TMEM248: variants seen among roughly 807,000 people sequenced by gnomAD.
The protein encoded by TMEM248 is transmembrane protein 248.
TMEM248 carries 9 observed loss-of-function variants against 30.3 expected under a neutral mutation model. That is an observed-to-expected ratio of 0.30 (90% CI 0.18 to 0.52). The LOEUF (loss-of-function observed/expected upper bound fraction) is 0.52. Ranked by LOEUF, TMEM248 falls within the 20% of genes least tolerant of loss-of-function variation. The pLI is 0.97. For missense variants in TMEM248, 338 were observed against 403.3 expected (o/e 0.84, Z 1.39); for synonymous variants, 184 against 154.4 (o/e 1.19, Z -1.42).
At chr7:66,939,552 ATGT>A (rs1174486870) in intron 1 of TMEM248, among the ~76,000 whole-genome samples, 2 of 152,190 alleles carry the variant, frequency 1.3e-5, no homozygotes, top group South Asian at 2.1e-4. Flanking sequence ...CTTTTTGCTA[ATGT>A]TGTCGCAGTT....
chr7:66,947,699 G>A (rs557241017), intron 3 of TMEM248, among the ~76,000 whole-genome samples: 143 of 151,122 alleles, frequency 9.5e-4, no homozygotes, highest in Non-Finnish European at 1.8e-3. Context: ...ACCACGCTTG[G>A]CTATTTTTTA....
At chr7:66,937,193 G>A (rs1791828765) in intron 1 of TMEM248, among the ~76,000 whole-genome samples, 1 of 152,152 alleles carries the variant, frequency 6.6e-6, no homozygotes, top group Admixed American at 6.5e-5. Flanking sequence ...CCAGGAGCAT[G>A]TTATTTAATT....
intron 1 of TMEM248, among the ~76,000 whole-genome samples, chr7:66,928,170 GTGCCAT>G (rs1331240049): frequency 2.6e-5 from 4 of 152,086 alleles, no homozygotes; most frequent in Admixed American, 2.6e-4. Flanking sequence ...AGCTGAGATT[GTGCCAT>G]TGCACTCCAG....
intron 1 of TMEM248, among the ~76,000 whole-genome samples, chr7:66,929,112 A>G (rs1033553138): frequency 1.3e-5 from 2 of 152,242 alleles, no homozygotes; most frequent in African/African-American, 2.4e-5. Context: ...ATGCAAACCT[A>G]TATCATTTAT....
At chr7:66,951,210 G>C in intron 5 of TMEM248, 75 bp downstream of exon 5, 1 of 1,391,552 alleles carries the variant, frequency 7.2e-7, no homozygotes, top group Non-Finnish European at 9.5e-7. Context: ...TGCAACCGTT[G>C]GTGTAGGCCC....
intron 3 of TMEM248, among the ~76,000 whole-genome samples, chr7:66,946,128 G>C (rs1792099191): frequency 6.6e-6 from 1 of 151,404 alleles, no homozygotes; most frequent in Admixed American, 6.6e-5. Flanking sequence ...CAGGCATGGT[G>C]GTGCGCACTT....
At chr7:66,937,181 A>G (rs1286465648) in intron 1 of TMEM248, among the ~76,000 whole-genome samples, 1 of 152,204 alleles carries the variant, frequency 6.6e-6, no homozygotes, top group East Asian at 1.9e-4. Flanking sequence ...CCCACTGGCC[A>G]TCCAGGAGCA....
rs1219828394 is a variant in TMEM248, at chr7:66,957,099, A to G, written c.*1577A>G. 1.3e-5 allele frequency: 2 copies of G among 152,604 alleles called. No homozygotes were observed. Among genetic ancestry groups the G allele is most frequent in the African/African-American group, 4.8e-5 (2 of 41,452 alleles). 9.5% of individuals were successfully genotyped at this position (152,604 alleles called of 1,614,324 possible). A position where few individuals can be genotyped will look rare whatever the true frequency, so the allele number is the denominator to read the frequency against. ...CTTGTATTCTTACTGTTTTTTTAAAATAACTTTTTGCCTTAATAGCTCATT... is the reference window on the plus strand; with the variant it reads ...CTTGTATTCTTACTGTTTTTTTAAAGTAACTTTTTGCCTTAATAGCTCATT... On this transcript the variant is annotated 3_prime_UTR_variant, in exon 7 of 7. Coordinates refer to ENST00000341567, the MANE Select transcript of TMEM248 (RefSeq NM_017994.5).
chr7:66,941,533 T>TGACA (rs1791953873), intron 1 of TMEM248, among the ~76,000 whole-genome samples: 1 of 149,712 alleles, frequency 6.7e-6, no homozygotes, highest in Non-Finnish European at 1.5e-5. Flanking sequence ...CTAGCCTGGG[T>TGACA]GACAGAACGA....
chr7:66,949,407 G>A (rs1171084632), intron 4 of TMEM248, among the ~76,000 whole-genome samples: 1 of 152,154 alleles, frequency 6.6e-6, no homozygotes, highest in Non-Finnish European at 1.5e-5. Flanking sequence ...GGCAGAGGTT[G>A]CAGTGAGCTG....
intron 1 of TMEM248, chr7:66,921,971 G>C (rs1327517984): frequency 6.6e-6 from 1 of 152,260 alleles, no homozygotes; most frequent in African/African-American, 2.4e-5. Context: ...ATAAAATGAG[G>C]AGTGATCGCA....
Position 66,953,211 on chromosome 7 carries a change from CTCT to C in TMEM248, c.781-10_781-8del, listed in dbSNP as rs750855990. 5.0e-6 allele frequency: 8 copies of C among 1,609,254 alleles called. No homozygotes were observed. The highest frequency in any genetic ancestry group is 2.7e-5 in the African/African-American group (2 of 74,418). ...AGAGCAGATGTTTCTGATTTTTTTT[CTCT>C]TCTTTATTTAGGATGACCGTTCATT... On this transcript the variant is annotated splice_polypyrimidine_tract_variant and intron_variant, in intron 5 of 6. Transcript: ENST00000341567.
intron 4 of TMEM248, among the ~76,000 whole-genome samples, chr7:66,949,121 A>G (rs1323624714): frequency 2.0e-5 from 3 of 150,732 alleles, no homozygotes; most frequent in Non-Finnish European, 4.4e-5. Context: ...GACAACATAT[A>G]GGGAGACCCT....
intron 5 of TMEM248, among the ~76,000 whole-genome samples, chr7:66,953,014 C>T (rs1792309012): frequency 6.6e-6 from 1 of 152,130 alleles, no homozygotes; most frequent in Non-Finnish European, 1.5e-5. Flanking sequence ...GCGTGGTGCT[C>T]TCCAACAGAG....
chr7:66,937,343 A>G (rs1160059030), intron 1 of TMEM248, among the ~76,000 whole-genome samples: 3 of 152,118 alleles, frequency 2.0e-5, no homozygotes, highest in African/African-American at 4.8e-5. Context: ...AACGTGGTCT[A>G]TTTTTGGGAA....
rs35126436 is a variant in TMEM248, at chr7:66,929,426, A to ATTTTTTTTTTTTTTTTTTTTTT, written c.-19+7972_-19+7993dup. On this transcript the variant is annotated intron_variant, in intron 1 of 6. Transcript: ENST00000341567. ...ACAATATCATGGAAATGAGAGACAA[A>ATTTTTTTTTTTTTTTTTTTTTT]TTTTTTTTTTTTTTTTTTTTTTTTT... Among the ~76,000 whole-genome samples, 40 of 97,674 alleles carry ATTTTTTTTTTTTTTTTTTTTTT rather than the reference A, an allele frequency of 4.1e-4. 2 individuals are homozygous for ATTTTTTTTTTTTTTTTTTTTTT. The highest frequency in any genetic ancestry group is 6.5e-4 in the Non-Finnish European group (32 of 49,214). 64.1% of individuals were successfully genotyped at this position (97,674 alleles called of 152,430 possible). A position where few individuals can be genotyped will look rare whatever the true frequency, so the allele number is the denominator to read the frequency against.
chr7:66,948,818 T>A, intron 4 of TMEM248, 124 bp downstream of exon 4: 1 of 1,006,466 alleles, frequency 9.9e-7, no homozygotes, highest in Non-Finnish European at 1.4e-6. Context: ...GAATTATCTC[T>A]ACTCGGACCT....
At chr7:66,950,096 C>T (rs1792221444) in intron 4 of TMEM248, among the ~76,000 whole-genome samples, 1 of 151,842 alleles carries the variant, frequency 6.6e-6, no homozygotes, top group Admixed American at 6.6e-5. Context: ...CGCAATGGCT[C>T]ACACCTGTAA....
intron 6 of TMEM248, among the ~76,000 whole-genome samples, chr7:66,954,376 T>G (rs1792352025): frequency 6.6e-6 from 1 of 151,384 alleles, no homozygotes; most frequent in Non-Finnish European, 1.5e-5. Flanking sequence ...GTATTTTTGC[T>G]TTTTTAATTT....
Sources: gnomAD v4.1 joint callset for allele counts (sites outside exome capture counted in the v4.1 genomes callset) on GRCh38, gnomAD v4.1.1 for gene constraint, MANE v1.5 for transcripts, NCBI Gene and HGNC (gene_info 2026-07-23, HGNC 2026-07-21) for gene names.